The following TMEM132B variants were observed in gnomAD, a reference collection of about 807,000 sequenced individuals.
The protein encoded by TMEM132B is transmembrane protein 132B.
A neutral mutation model predicts 90.8 loss-of-function variants in TMEM132B; 18 were observed. The observed-to-expected ratio is 0.20, with a 90% CI of 0.14 to 0.29. The LOEUF (loss-of-function observed/expected upper bound fraction) is 0.29, where lower values mean the gene tolerates loss of function less well. Ranked by LOEUF, TMEM132B falls within the 10% of genes least tolerant of loss-of-function variation. The probability of loss-of-function intolerance (pLI) is 1.00; values close to 1 mark genes in which losing one functional copy is unlikely to be tolerated. For missense variants in TMEM132B, 1,096 were observed against 1,326.8 expected (o/e 0.83, Z 2.70); for synonymous variants, 504 against 523.3 (o/e 0.96, Z 0.50).
chr12:125,409,618 TGGAG>T (rs1879639495), intron 2 of TMEM132B, among the ~76,000 whole-genome samples: 1 of 32,490 alleles, frequency 3.1e-5, no homozygotes, highest in Non-Finnish European at 5.7e-5. Flanking sequence ...TGGAGTGGAG[TGGAG>T]GAGTGGAGTG....
intron 1 of TMEM132B, among the ~76,000 whole-genome samples, chr12:125,287,937 G>C (rs1177433816): frequency 6.6e-6 from 1 of 151,936 alleles, no homozygotes; most frequent in Admixed American, 6.5e-5. Flanking sequence ...GCGCGATCTC[G>C]GCTCACTGCA....
chr12:125,614,320 G>A (rs946650377), intron 5 of TMEM132B, among the ~76,000 whole-genome samples: 4 of 152,062 alleles, frequency 2.6e-5, no homozygotes, highest in Non-Finnish European at 5.9e-5. Context: ...TTATGTCCAC[G>A]TGTGCTCAAT....
At chr12:125,553,775 A>C (rs754129156) in intron 4 of TMEM132B, among the ~76,000 whole-genome samples, 1 of 152,200 alleles carries the variant, frequency 6.6e-6, no homozygotes, top group Non-Finnish European at 1.5e-5. Context: ...TCCCTTTGTA[A>C]TAGAGAATAA....
At chr12:125,591,855 C>T (rs531092754) in intron 5 of TMEM132B, among the ~76,000 whole-genome samples, 3 of 152,122 alleles carry the variant, frequency 2.0e-5, no homozygotes, top group East Asian at 1.9e-4. Flanking sequence ...ATTTAGGGGC[C>T]GTCCTAATTC....
At chr12:125,432,395 ATATGTATGTATGTG>A (rs1566034682) in intron 3 of TMEM132B, among the ~76,000 whole-genome samples, 129 of 108,002 alleles carry the variant, frequency 1.2e-3, no homozygotes, top group Non-Finnish European at 1.8e-3. Flanking sequence ...ATATATATAT[ATATGTATGTATGTG>A]TATATATATA....
chr12:125,215,529 C>T (rs1873413564), intron 1 of TMEM132B, among the ~76,000 whole-genome samples: 1 of 152,094 alleles, frequency 6.6e-6, no homozygotes, highest in South Asian at 2.1e-4. Context: ...GACTCCAACT[C>T]TCCTGCCTCT....
chr12:125,304,716 A>C (rs1478842548), intron 1 of TMEM132B, among the ~76,000 whole-genome samples: 1 of 152,062 alleles, frequency 6.6e-6, no homozygotes, highest in East Asian at 1.9e-4. Flanking sequence ...CTGTAGTCCC[A>C]ACTACTTGGG....
rs576457794 is a variant in TMEM132B, at chr12:125,654,375, T to C, written c.2917T>C (p.Cys973Arg). The change falls in exon 9 of 9, where the codon TGC becomes CGC. Residue 973 changes from cysteine to arginine, a missense_variant. By Grantham distance (180) the Cys-to-Arg change is radical (BLOSUM62 -3). Coordinates refer to ENST00000682704, the MANE Select transcript of TMEM132B (RefSeq NM_001366854.1). This position sits in a 1 kb window ranked among gnomAD's most constrained non-coding sequence, Gnocchi z 5.8. ...TGACATTACACTCCCATCAGAGGAG[T>C]GCACAACCATGATAGACAGGGGCCT... The part of the protein sequence containing the change: ...PVDITLPSEE[C>R]TTMIDRGLQF... 10 of 1,612,744 alleles carry C rather than the reference T, an allele frequency of 6.2e-6. No individual in the cohort carries two copies. The African/African-American group carries it at 1.3e-4, about 22-fold the overall frequency.
At chr12:125,524,152 T>C (rs79585347) in intron 4 of TMEM132B, among the ~76,000 whole-genome samples, 1,609 of 152,352 alleles carry the variant, frequency 0.011, 24 homozygotes, top group African/African-American at 0.036. Flanking sequence ...TGTGTGAGTT[T>C]ACAAGCAAGA....
chr12:125,187,295 C>T (rs1026029868), intron 1 of TMEM132B, among the ~76,000 whole-genome samples: 1 of 152,192 alleles, frequency 6.6e-6, no homozygotes, highest in Non-Finnish European at 1.5e-5. Context: ...CACAGTGGTG[C>T]GTTCCCGGGA....
chr12:125,399,375 T>C (rs1879247269), intron 2 of TMEM132B, among the ~76,000 whole-genome samples: 1 of 152,108 alleles, frequency 6.6e-6, no homozygotes, highest in Non-Finnish European at 1.5e-5. Context: ...GGTCCACTTA[T>C]TTTGTGCTAG....
At chr12:125,255,302 A>C (rs1265676136) in intron 1 of TMEM132B, among the ~76,000 whole-genome samples, 346 of 112,230 alleles carry the variant, frequency 3.1e-3, no homozygotes, top group South Asian at 4.9e-3. Flanking sequence ...TCTCTCTCTC[A>C]CCCCCCCTCC....
intron 2 of TMEM132B, among the ~76,000 whole-genome samples, chr12:125,359,708 G>A (rs1487690008): frequency 6.6e-6 from 1 of 152,146 alleles, no homozygotes; most frequent in Non-Finnish European, 1.5e-5. Flanking sequence ...GCCATGTTTG[G>A]TCATTTCTAC....
intron 1 of TMEM132B, among the ~76,000 whole-genome samples, chr12:125,234,774 C>G (rs1314277443): frequency 6.6e-6 from 1 of 152,178 alleles, no homozygotes; most frequent in Non-Finnish European, 1.5e-5. Context: ...GATAACACCT[C>G]CAGATGGACT....
chr12:125,201,998 G>T (rs1296750239), intron 1 of TMEM132B, among the ~76,000 whole-genome samples: 1 of 152,112 alleles, frequency 6.6e-6, no homozygotes, highest in African/African-American at 2.4e-5. Flanking sequence ...TCTTTTGGGG[G>T]ACCATTTCTC....
rs1008200816 is a variant in TMEM132B, at chr12:125,560,550, C to T, written c.1294-23301C>T. On this transcript the variant is annotated intron_variant, in intron 4 of 8. Transcript: ENST00000682704. ...TTAAAAAGTCAGGAAAGGCCGGGCG[C>T]GGTGGCTCACGCCTGTAATCCCAGC... Among the ~76,000 whole-genome samples the T allele has an allele frequency of 7.2e-5, 11 of 152,158 alleles. No homozygotes were observed. In the East Asian group the frequency reaches 1.5e-3, roughly 21 times the overall value.
intron 4 of TMEM132B, among the ~76,000 whole-genome samples, chr12:125,533,696 G>A (rs879677304): frequency 1.3e-5 from 2 of 152,102 alleles, no homozygotes; most frequent in Admixed American, 6.5e-5. Context: ...GGCTCCTGGA[G>A]CCCCTGCCCG....
intron 1 of TMEM132B, among the ~76,000 whole-genome samples, chr12:125,200,435 A>T (rs563720807): frequency 4.6e-5 from 7 of 152,082 alleles, no homozygotes; most frequent in African/African-American, 1.7e-4. Flanking sequence ...ATTCATCTCC[A>T]TCTTCCAGGT....
At chr12:125,518,732 G>GC (rs908050489) in intron 3 of TMEM132B, among the ~76,000 whole-genome samples, 1 of 152,122 alleles carries the variant, frequency 6.6e-6, no homozygotes, top group Non-Finnish European at 1.5e-5. Flanking sequence ...CAACTTCATA[G>GC]CCCCCCCACC....
Sources: gnomAD v4.1 joint callset for allele counts (sites outside exome capture counted in the v4.1 genomes callset) on GRCh38, gnomAD v4.1.1 for gene constraint, Gnocchi (gnomAD v3.1) non-coding constraint, MANE v1.5 for transcripts, NCBI Gene and HGNC (gene_info 2026-07-23, HGNC 2026-07-21) for gene names.